AGBL1: variants seen among roughly 807,000 people sequenced by gnomAD.
The protein encoded by AGBL1 is AGBL carboxypeptidase 1.
A neutral mutation model predicts 118.9 loss-of-function variants in AGBL1; 130 were observed. The ratio of observed to expected loss-of-function variants is 1.09; its 90% CI spans 0.95 to 1.26. AGBL1 has a LOEUF of 1.26. AGBL1 is among the 50% of genes most tolerant of loss of function. AGBL1 has a pLI of 0.00. For synonymous variants in AGBL1, 555 were observed against 478.9 expected (o/e 1.16, Z -2.08); for missense variants, 1,584 against 1,298.1 (o/e 1.22, Z -3.38).
chr15:86,965,064 C>T (rs554306967), intron 23 of AGBL1, among the ~76,000 whole-genome samples: 11 of 152,174 alleles, frequency 7.2e-5, no homozygotes, highest in Non-Finnish European at 1.6e-4. Context: ...CAAGTCTTTG[C>T]TATTGTGAAC....
chr15:86,213,321 T>C (rs1185752501), intron 5 of AGBL1, among the ~76,000 whole-genome samples: 1 of 152,204 alleles, frequency 6.6e-6, no homozygotes, highest in Non-Finnish European at 1.5e-5. Flanking sequence ...CAGTACTCCC[T>C]TCACTTCTTA....
chr15:86,583,452 G>T (rs957644539), intron 21 of AGBL1, among the ~76,000 whole-genome samples: 7 of 152,042 alleles, frequency 4.6e-5, no homozygotes, highest in Non-Finnish European at 7.4e-5. Flanking sequence ...TTCTGTTCCT[G>T]TGTTAATTTG....
chr15:86,463,123 T>A (rs1378671883), intron 18 of AGBL1, among the ~76,000 whole-genome samples: 1 of 152,200 alleles, frequency 6.6e-6, no homozygotes, highest in Non-Finnish European at 1.5e-5. Context: ...TTTTTAATGA[T>A]CGCCATTCTA....
intron 22 of AGBL1, among the ~76,000 whole-genome samples, chr15:86,817,597 GGA>G (rs368552988): frequency 1.7e-4 from 21 of 123,546 alleles, no homozygotes; most frequent in South Asian, 7.8e-4. Context: ...CACACACAGA[GGA>G]GAGAGAGAGA....
chr15:86,522,146 C>T (rs997345072), intron 18 of AGBL1, among the ~76,000 whole-genome samples: 2 of 152,022 alleles, frequency 1.3e-5, no homozygotes, highest in Non-Finnish European at 2.9e-5. Context: ...ATCATCATTC[C>T]CCCAAATAAG....
At chr15:86,150,450 C>T (rs2077092599) in intron 3 of AGBL1, among the ~76,000 whole-genome samples, 1 of 152,016 alleles carries the variant, frequency 6.6e-6, no homozygotes, top group Non-Finnish European at 1.5e-5. Flanking sequence ...ATATCACCAC[C>T]AATCCCACAG....
intron 5 of AGBL1, among the ~76,000 whole-genome samples, chr15:86,216,702 G>A (rs559392449): frequency 2.6e-5 from 4 of 152,124 alleles, no homozygotes; most frequent in African/African-American, 7.2e-5. Context: ...TTCTACTCTT[G>A]TCTTCCTAGT....
At chr15:86,829,285 A>G (rs139589677) in intron 22 of AGBL1, among the ~76,000 whole-genome samples, 1,602 of 152,300 alleles carry the variant, frequency 0.011, 19 homozygotes, top group Middle Eastern at 0.041. Context: ...AACATATGCC[A>G]CATATGAGAA....
chr15:86,513,762 T>A (rs890690803), intron 18 of AGBL1, among the ~76,000 whole-genome samples: 9 of 152,140 alleles, frequency 5.9e-5, no homozygotes, highest in African/African-American at 2.2e-4. Flanking sequence ...TTTATTTAAA[T>A]CACTATGAAT....
intron 24 of AGBL1, among the ~76,000 whole-genome samples, chr15:86,995,712 G>A (rs1487575534): frequency 6.6e-6 from 1 of 152,244 alleles, no homozygotes; most frequent in African/African-American, 2.4e-5. Context: ...TAAGATTTTA[G>A]TTTTTAATTT....
chr15:86,710,731 A>G (rs2086541637), intron 22 of AGBL1, among the ~76,000 whole-genome samples: 1 of 152,204 alleles, frequency 6.6e-6, no homozygotes, highest in Non-Finnish European at 1.5e-5. Flanking sequence ...GCAATAGACA[A>G]TGGGTGCCAA....
At chr15:86,724,129 G>C (rs1003605585) in intron 22 of AGBL1, among the ~76,000 whole-genome samples, 1 of 151,644 alleles carries the variant, frequency 6.6e-6, no homozygotes, top group Non-Finnish European at 1.5e-5. Flanking sequence ...CCAGCTACTT[G>C]GGAGGCTGAG....
chr15:86,451,298 G>A lies in AGBL1; in HGVS notation c.2555+53752G>A, dbSNP rs1331057232. On this transcript the variant is annotated intron_variant, in intron 18 of 22. Coordinates refer to ENST00000614907, the MANE Select transcript of AGBL1 (RefSeq NM_001386094.1). Reference sequence around the variant, plus strand: ...AAGAAGAGAAAGAGTGTAAATGAAGGCAGAGGGAAAGAAGGACCTTAGAGA... The same window carrying A: ...AAGAAGAGAAAGAGTGTAAATGAAGACAGAGGGAAAGAAGGACCTTAGAGA... 2.0e-5 allele frequency among the ~76,000 whole-genome samples: 3 copies of A among 152,268 alleles called. No individual in the cohort carries two copies. In the East Asian group the frequency reaches 5.8e-4, roughly 29 times the overall value.
chr15:86,514,779 C>T (rs984797594), intron 18 of AGBL1, among the ~76,000 whole-genome samples: 1 of 152,114 alleles, frequency 6.6e-6, no homozygotes, highest in Non-Finnish European at 1.5e-5. Context: ...TCTGATTTAT[C>T]TTTCTTGTAT....
At chr15:86,823,749 G>T (rs2078971811) in intron 22 of AGBL1, among the ~76,000 whole-genome samples, 1 of 152,058 alleles carries the variant, frequency 6.6e-6, no homozygotes. Flanking sequence ...GAGAATCTGG[G>T]TTTAATGTTT....
chr15:86,478,679 T>C (rs372498041), intron 18 of AGBL1, among the ~76,000 whole-genome samples: 1 of 152,206 alleles, frequency 6.6e-6, no homozygotes, highest in East Asian at 1.9e-4. Context: ...ATAGATTCAA[T>C]GCCATCCCCA....
chr15:86,893,479 CAAACA>C (rs994694127), intron 22 of AGBL1, among the ~76,000 whole-genome samples: 1 of 152,020 alleles, frequency 6.6e-6, no homozygotes, highest in African/African-American at 2.4e-5. Flanking sequence ...ACCAAGAAAA[CAAACA>C]AAACAAAAAA....
intron 24 of AGBL1, among the ~76,000 whole-genome samples, chr15:87,009,337 A>G (rs546631347): frequency 8.3e-4 from 127 of 152,294 alleles, no homozygotes; most frequent in Middle Eastern, 6.8e-3. Flanking sequence ...CAGCTTTCAC[A>G]TGGTGTTGAG....
intron 23 of AGBL1, among the ~76,000 whole-genome samples, chr15:86,966,873 T>C (rs1389268752): frequency 1.3e-5 from 2 of 152,146 alleles, no homozygotes; most frequent in Non-Finnish European, 2.9e-5. Flanking sequence ...ATGGTATTTC[T>C]AGTTCTAGAT....
Sources: gnomAD v4.1 joint callset for allele counts (sites outside exome capture counted in the v4.1 genomes callset) on GRCh38, gnomAD v4.1.1 for gene constraint, MANE v1.5 for transcripts, NCBI Gene and HGNC (gene_info 2026-07-23, HGNC 2026-07-21) for gene names.